DHRSX: variants seen among roughly 807,000 people sequenced by gnomAD.
The protein encoded by DHRSX is dehydrogenase/reductase X-linked.
Under a neutral mutation model 34.0 loss-of-function variants are expected in DHRSX, and 31 were observed. The ratio of observed to expected loss-of-function variants is 0.91; its 90% CI spans 0.69 to 1.23. DHRSX has a LOEUF of 1.23. DHRSX is among the 50% of genes most tolerant of loss of function. The probability of loss-of-function intolerance (pLI) is 0.00; values close to 1 mark genes in which losing one functional copy is unlikely to be tolerated. For missense variants in DHRSX, 414 were observed against 428.1 expected (o/e 0.97, Z 0.29); for synonymous variants, 201 against 183.8 (o/e 1.09, Z -0.76).
chrX:2,492,502 C>A (rs1332065429), intron 1 of DHRSX, among the ~76,000 whole-genome samples: 2 of 152,064 alleles, frequency 1.3e-5, no homozygotes, highest in Non-Finnish European at 2.9e-5. Context: ...GCCTAAAGCC[C>A]AGGATGTGGA....
At chrX:2,266,989 A>G in intron 4 of DHRSX, 42 bp from the exon 5 acceptor site, 1 of 1,597,578 alleles carries the variant, frequency 6.3e-7, no homozygotes. Flanking sequence ...ACTGGGGAAG[A>G]CAGTGGAGAA....
intron 6 of DHRSX, among the ~76,000 whole-genome samples, chrX:2,229,533 C>G (rs757210392): frequency 4.3e-4 from 65 of 152,146 alleles, no homozygotes; most frequent in African/African-American, 1.6e-3. Flanking sequence ...CTGACTCACA[C>G]GCAAATCATA....
rs374502215 is a variant in DHRSX at position 2,411,165 on chromosome X, G to A, written c.218-2352C>T. ...TTACACTGGGGACTTGTACATTCAT[G>A]AGCTTATTTATGAAATCCCATGAAC... On this transcript the variant is annotated intron_variant, in intron 2 of 6. Coordinates refer to ENST00000334651, the MANE Select transcript of DHRSX (RefSeq NM_145177.3). Among the ~76,000 whole-genome samples, 7 of 152,224 alleles carry A rather than the reference G, an allele frequency of 4.6e-5. No homozygotes were observed. The East Asian group carries it at 9.6e-4, about 21-fold the overall frequency.
At chrX:2,287,274 T>C (rs994665407) in intron 4 of DHRSX, among the ~76,000 whole-genome samples, 9 of 152,266 alleles carry the variant, frequency 5.9e-5, no homozygotes, top group Admixed American at 5.9e-4. Flanking sequence ...GTAATCCCCA[T>C]GTGGGAGACA....
At chrX:2,437,294 C>T (rs946559541) in intron 1 of DHRSX, among the ~76,000 whole-genome samples, 33 of 152,032 alleles carry the variant, frequency 2.2e-4, no homozygotes, top group African/African-American at 6.3e-4. Context: ...CCACCATGCC[C>T]GGACACAAGG....
intron 1 of DHRSX, among the ~76,000 whole-genome samples, chrX:2,464,607 G>A (rs1361273088): frequency 1.3e-5 from 2 of 149,132 alleles, no homozygotes; most frequent in South Asian, 2.1e-4. Context: ...GACAGCTGCC[G>A]TGTGCACACT....
Position 2,351,238 on chromosome X carries a change from A to AC in DHRSX, c.286+57506_286+57507insG, listed in dbSNP as rs763141800. 9.2e-4 allele frequency among the ~76,000 whole-genome samples: 140 copies of AC among 152,336 alleles called. 1 individual carries two copies. The highest frequency in any genetic ancestry group is 1.4e-3 in the Non-Finnish European group (98 of 68,024). On this transcript the variant is annotated intron_variant, in intron 3 of 6. Transcript: ENST00000334651. ...GTTCTGCACATGTATCCCAGAACTTAGAGTAAAATTAAAAAGAAAGAAAGT... is the reference window on the plus strand; with the variant it reads ...GTTCTGCACATGTATCCCAGAACTTACGAGTAAAATTAAAAAGAAAGAAAGT...
At chrX:2,402,176 G>A (rs1315976842) in intron 3 of DHRSX, among the ~76,000 whole-genome samples, 1 of 152,192 alleles carries the variant, frequency 6.6e-6, no homozygotes, top group Non-Finnish European at 1.5e-5. Context: ...GTCAGGACGT[G>A]AGCCGACTTG....
At chrX:2,284,223 T>A (rs771964315) in intron 4 of DHRSX, among the ~76,000 whole-genome samples, 5 of 152,352 alleles carry the variant, frequency 3.3e-5, no homozygotes, top group African/African-American at 1.2e-4. Context: ...CATTCGTTCC[T>A]TTGAATTCAT....
At chrX:2,366,742 T>C (rs1484493094) in intron 3 of DHRSX, among the ~76,000 whole-genome samples, 1 of 150,044 alleles carries the variant, frequency 6.7e-6, no homozygotes, top group Non-Finnish European at 1.5e-5. Context: ...ACCAGAAGCA[T>C]ATGCCATCAT....
rs191643662 is a variant in DHRSX at position 2,401,691 on chromosome X, G to A, written c.286+7054C>T. On this transcript the variant is annotated intron_variant, in intron 3 of 6. Transcript: ENST00000334651. ...TTTCTGTGTTTGCTTTCATGGAGCC[G>A]CTGGGGTTTGATTTATTTATATTTG... 1.4e-3 allele frequency among the ~76,000 whole-genome samples: 219 copies of A among 152,278 alleles called. 1 individual carries two copies. Among genetic ancestry groups the A allele is most frequent in the African/African-American group, 5.0e-3 (209 of 41,558 alleles).
intron 3 of DHRSX, among the ~76,000 whole-genome samples, chrX:2,331,487 G>C (rs1339899209): frequency 2.2e-5 from 2 of 92,122 alleles, no homozygotes; most frequent in African/African-American, 3.7e-5. Context: ...TGCTCTTGTT[G>C]CCCAGGCTGG....
chrX:2,467,457 C>T (rs1230389378), intron 1 of DHRSX, among the ~76,000 whole-genome samples: 1 of 152,124 alleles, frequency 6.6e-6, no homozygotes, highest in Admixed American at 6.6e-5. Flanking sequence ...ACGGGTGACC[C>T]CAGAAACAAG....
intron 5 of DHRSX, among the ~76,000 whole-genome samples, chrX:2,264,040 T>C (rs990642203): frequency 1.3e-5 from 2 of 152,224 alleles, no homozygotes; most frequent in Non-Finnish European, 2.9e-5. Flanking sequence ...GTTTTCCTTT[T>C]CTATGTCTCA....
At chrX:2,291,750 G>T in intron 3 of DHRSX, 147 bp from the exon 4 acceptor site, 1 of 658,702 alleles carries the variant, frequency 1.5e-6, no homozygotes, top group Non-Finnish European at 2.7e-6. Flanking sequence ...GTCTCGCTCT[G>T]TTGACCGGGC....
In DHRSX at chrX:2,337,375, G is replaced by A. The variant is rs748771248; in HGVS notation, c.287-45772C>T. ...TTTTATTTCCAGGCAATTTCATATC[G>A]TTCTCTTCAATTCAGTGAGTGCAAA... On this transcript the variant is annotated intron_variant, in intron 3 of 6. Transcript: ENST00000334651. Among the ~76,000 whole-genome samples, 24 of 152,108 alleles carry A rather than the reference G, an allele frequency of 1.6e-4. 1 individual carries two copies. The East Asian group carries it at 4.2e-3, about 27-fold the overall frequency.
intron 3 of DHRSX, among the ~76,000 whole-genome samples, chrX:2,315,463 T>C (rs1182572272): frequency 1.3e-5 from 2 of 152,170 alleles, no homozygotes; most frequent in African/African-American, 4.8e-5. Context: ...GGATCCTGTT[T>C]CTTGCTGCCT....
chrX:2,259,827 T>C (rs1050995099), intron 5 of DHRSX, among the ~76,000 whole-genome samples: 4 of 151,064 alleles, frequency 2.6e-5, no homozygotes, highest in Non-Finnish European at 5.9e-5. Flanking sequence ...TCCTCTTCTG[T>C]CTTTTAGAAG....
rs2042556071 is a variant in DHRSX, at chrX:2,336,018, TTTG to T, written c.287-44418_287-44416del. 2.0e-5 allele frequency among the ~76,000 whole-genome samples: 3 copies of T among 151,990 alleles called. No individual in the cohort carries two copies. The Admixed American group carries it at 2.0e-4, about 10-fold the overall frequency. ...ATGCTTTTGTTTTTGTTTTTGTTTT[TTTG>T]TTGTCGTTGAGACAGAGTCTTGCTC... On this transcript the variant is annotated intron_variant, in intron 3 of 6. Coordinates refer to ENST00000334651, the MANE Select transcript of DHRSX (RefSeq NM_145177.3).
Sources: allele counts gnomAD v4.1 joint callset (sites outside exome capture counted in the v4.1 genomes callset), GRCh38; gene constraint gnomAD v4.1.1; transcripts MANE v1.5; gene names NCBI Gene and HGNC (gene_info 2026-07-23, HGNC 2026-07-21).